The following TTC7A variants were observed in gnomAD, a reference collection of about 807,000 sequenced individuals.
The protein encoded by TTC7A is tetratricopeptide repeat protein 7A.
In TTC7A, 110 loss-of-function variants were observed where a neutral mutation model predicts 103.7. The observed-to-expected ratio is 1.06, with a 90% CI of 0.91 to 1.24. The LOEUF is 1.24. Among genes scored for constraint, TTC7A ranks in the 50% most tolerant of loss-of-function variants. The pLI is 0.00. For missense variants in TTC7A, 1,340 were observed against 1,116.3 expected, an observed-to-expected ratio of 1.20 and a Z score of -2.86; for synonymous variants, 521 against 467.9, an observed-to-expected ratio of 1.11 and a Z score of -1.47.
chr2:47,046,303 C>A lies in TTC7A; in HGVS notation c.1803-12C>A, dbSNP rs768399184. 26 of 1,610,794 alleles carry A rather than the reference C, an allele frequency of 1.6e-5. No individual in the cohort carries two copies. Among genetic ancestry groups the A allele is most frequent in the African/African-American group, 2.7e-5 (2 of 74,854 alleles). On this transcript the variant is annotated splice_polypyrimidine_tract_variant and intron_variant, in intron 15 of 19. Transcript: ENST00000319190. ...GCTGGGGTGTGCTGATGGCCACTCT[C>A]CGTCCCCACAGCCTGATGTTCACCA...
At position 46,991,751 on chromosome 2, in the gene TTC7A, C is replaced by T. The variant is rs578160506; in HGVS notation, c.765-1699C>T. ...TGGGAGACACTGAGCTAAGTGAAGT[C>T]TTCATTTTACAGACCTCACCCAGAC... is the stretch of plus-strand genomic sequence containing the variant. On this transcript the variant is annotated intron_variant, in intron 5 of 19. Coordinates refer to ENST00000319190, the MANE Select transcript of TTC7A (RefSeq NM_020458.4). 1.4e-4 allele frequency among the ~76,000 whole-genome samples: 21 copies of T among 152,224 alleles called. No individual in the cohort carries two copies. In the East Asian group the frequency reaches 4.1e-3, roughly 30 times the overall value.
At position 46,970,431 on chromosome 2, in the gene TTC7A, G is replaced by A. The variant is rs370260734; in HGVS notation, c.518-4542G>A. Among the ~76,000 whole-genome samples the A allele has an allele frequency of 1.1e-4, 16 of 152,268 alleles. No homozygotes were observed. The East Asian group carries it at 1.9e-3, about 18-fold the overall frequency. On this transcript the variant is annotated intron_variant, in intron 3 of 19. Coordinates refer to ENST00000319190, the MANE Select transcript of TTC7A (RefSeq NM_020458.4). Reference sequence around the variant, plus strand: ...TTGTTCCTGAATTCACAGCTTTGCGGTGGCCAGCCCTCTGGAGGCTTGGGG... The same window carrying A: ...TTGTTCCTGAATTCACAGCTTTGCGATGGCCAGCCCTCTGGAGGCTTGGGG...
At chr2:47,059,646 T>C (rs150135433) in intron 18 of TTC7A, among the ~76,000 whole-genome samples, 7 of 152,086 alleles carry the variant, frequency 4.6e-5, no homozygotes, top group Non-Finnish European at 8.8e-5. Context: ...CATCCCCTTC[T>C]CCCTGGACAT....
chr2:47,061,939 C>G (rs569792850), intron 19 of TTC7A, among the ~76,000 whole-genome samples: 1 of 152,280 alleles, frequency 6.6e-6, no homozygotes, highest in African/African-American at 2.4e-5. Context: ...TGGGTTCCAC[C>G]TTGGATGTCC....
intron 18 of TTC7A, among the ~76,000 whole-genome samples, chr2:47,060,561 G>T (rs184068728): frequency 2.0e-5 from 3 of 152,288 alleles, no homozygotes; most frequent in African/African-American, 7.2e-5. Flanking sequence ...CTGGCACTTA[G>T]CAAGGTGCCT....
chr2:47,002,112 G>T (rs1455905051), intron 8 of TTC7A, among the ~76,000 whole-genome samples: 2 of 152,200 alleles, frequency 1.3e-5, no homozygotes, highest in Non-Finnish European at 2.9e-5. Context: ...CCTGCCAGAA[G>T]GCTTGCAGTG....
chr2:46,916,272 G>A, exon 1 of TTC7A: 4 of 703,350 alleles, frequency 5.7e-6, no homozygotes, highest in Non-Finnish European at 7.0e-6. Context: ...CGCTGGAGCC[G>A]GCCTTGGACC....
chr2:46,988,985 G>C (rs1675328080), intron 5 of TTC7A, among the ~76,000 whole-genome samples: 1 of 152,174 alleles, frequency 6.6e-6, no homozygotes, highest in Admixed American at 6.5e-5. Flanking sequence ...CACACATTGT[G>C]CTGGTACAGG....
intron 2 of TTC7A, among the ~76,000 whole-genome samples, chr2:46,928,118 C>T (rs1166046903): frequency 6.6e-6 from 1 of 151,574 alleles, no homozygotes; most frequent in Non-Finnish European, 1.5e-5. Context: ...TCTCTAACTC[C>T]TCGGCTCAGG....
In TTC7A at chr2:47,050,007, A is replaced by T. The variant is rs375666264; in HGVS notation, c.1978A>T (p.Met660Leu). 5.0e-6 allele frequency: 8 copies of T among 1,614,184 alleles called. No individual in the cohort carries two copies. Among genetic ancestry groups the T allele is most frequent in the East Asian group, 4.5e-5 (2 of 44,882 alleles). The stretch of plus-strand genomic sequence containing the variant: ...CCTCACCATGAAGAAGCAGAGTGGC[A>T]TGCACCTGACTTTGCCTGATGCCCA... ...EGLTMKKQSG[M>L]HLTLPDAHDA... The change falls in exon 17 of 20, where the codon ATG becomes TTG. Residue 660 changes from methionine to leucine, a missense_variant. By Grantham distance (15) the Met-to-Leu change is conservative (BLOSUM62 2). Coordinates refer to ENST00000319190, the MANE Select transcript of TTC7A (RefSeq NM_020458.4).
At chr2:47,032,717 C>G (rs973868557) in intron 15 of TTC7A, among the ~76,000 whole-genome samples, 3 of 151,766 alleles carry the variant, frequency 2.0e-5, no homozygotes, top group Non-Finnish European at 4.4e-5. Context: ...CTTGAGCCAC[C>G]ATGAGCTCCT....
intron 5 of TTC7A, among the ~76,000 whole-genome samples, chr2:46,992,156 T>A (rs1675696055): frequency 6.6e-6 from 1 of 152,240 alleles, no homozygotes; most frequent in Non-Finnish European, 1.5e-5. Context: ...TGTGGTGTGA[T>A]CCGGGGAACC....
At chr2:47,046,292 A>G in intron 15 of TTC7A, 23 bp from the exon 16 acceptor site, 1 of 1,599,180 alleles carries the variant, frequency 6.3e-7, no homozygotes, top group Non-Finnish European at 8.6e-7. Flanking sequence ...GGGTGTGCTG[A>G]TGGCCACTCT....
At chr2:47,004,795 C>G (rs563957793) in intron 8 of TTC7A, among the ~76,000 whole-genome samples, 1 of 152,180 alleles carries the variant, frequency 6.6e-6, no homozygotes, top group South Asian at 2.1e-4. Flanking sequence ...CCAGAGTGTC[C>G]TCTGCCTAAG....
intron 17 of TTC7A, 27 bp from the exon 18 acceptor site, chr2:47,051,719 C>G (rs1421434836): frequency 1.9e-6 from 3 of 1,598,554 alleles, no homozygotes; most frequent in Non-Finnish European, 2.6e-6. Flanking sequence ...CTGACCACTG[C>G]TCGGCTCGTG....
At chr2:46,918,164 C>T (rs1668912282) in intron 2 of TTC7A, among the ~76,000 whole-genome samples, 1 of 152,116 alleles carries the variant, frequency 6.6e-6, no homozygotes. Flanking sequence ...CCCCCAAAAT[C>T]TTGATTTTCA....
chr2:47,057,642 G>A (rs563763713), intron 18 of TTC7A, among the ~76,000 whole-genome samples: 94 of 152,294 alleles, frequency 6.2e-4, no homozygotes, highest in Admixed American at 1.2e-3. Context: ...AGCTTCTGGC[G>A]ATGGAGGAAG....
At chr2:47,013,856 C>T (rs1405367937) in intron 11 of TTC7A, among the ~76,000 whole-genome samples, 1 of 152,130 alleles carries the variant, frequency 6.6e-6, no homozygotes, top group Non-Finnish European at 1.5e-5. Context: ...AGCTGAGCAG[C>T]ATATTTGGGT....
At chr2:47,023,354 G>T in intron 12 of TTC7A, 54 bp from the exon 13 acceptor site, 2 of 1,585,684 alleles carry the variant, frequency 1.3e-6, no homozygotes, top group Admixed American at 3.3e-5. Flanking sequence ...GCAGGGCTGG[G>T]CCGGCACCCT....
Sources: gnomAD v4.1 joint callset for allele counts (sites outside exome capture counted in the v4.1 genomes callset) on GRCh38, gnomAD v4.1.1 for gene constraint, MANE v1.5 for transcripts, NCBI Gene and HGNC (gene_info 2026-07-23, HGNC 2026-07-21) for gene names.